JAKMIP1: variants seen among roughly 807,000 people sequenced by gnomAD.
JAKMIP1 encodes the protein janus kinase and microtubule interacting protein 1, also known as janus kinase and microtubule-interacting protein 1.
In JAKMIP1, 33 loss-of-function variants were observed where a neutral mutation model predicts 113.0. That is an observed-to-expected ratio of 0.29 (90% CI 0.22 to 0.39). The LOEUF is 0.39. Ranked by LOEUF, JAKMIP1 falls within the 10% of genes least tolerant of loss-of-function variation. The pLI is 1.00. For synonymous variants in JAKMIP1, 480 were observed against 459.9 expected (o/e 1.04, Z -0.56); for missense variants, 813 against 1,080.5 (o/e 0.75, Z 3.47).
In JAKMIP1 at chr4:6,026,866, A is replaced by ATT. The variant is rs370379960; in HGVS notation, c.2446-590_2446-589dup. Among the ~76,000 whole-genome samples the ATT allele has an allele frequency of 2.0e-3, 282 of 140,692 alleles. 2 individuals carry two copies. Among genetic ancestry groups the ATT allele is most frequent in the African/African-American group, 6.9e-3 (261 of 37,976 alleles). The allele number at this position is 140,692 out of a possible 152,430, so 92.3% of individuals were successfully genotyped here. On this transcript the variant is annotated intron_variant, in intron 20 of 20. Coordinates refer to ENST00000409021, the MANE Select transcript of JAKMIP1 (RefSeq NM_001099433.2). ...TTAAAACATTATGGAATTTCTTTGC[A>ATT]TTTTTTTTTTTTTTTTTTTTTAGCT...
In JAKMIP1 at chr4:6,064,017, C is replaced by A. The variant is rs554462166; in HGVS notation, c.1431+863G>T. ...GCCAGCTGCCCCGGCATATCCGCAC[C>A]CCCTTCCCACTCTTGCTCTTCCCTG... On this transcript the variant is annotated intron_variant, in intron 9 of 20. Coordinates refer to ENST00000409021, the MANE Select transcript of JAKMIP1 (RefSeq NM_001099433.2). This position sits in a 1 kb window ranked among gnomAD's most constrained non-coding sequence, Gnocchi z 4.3. 1.3e-5 allele frequency among the ~76,000 whole-genome samples: 2 copies of A among 152,358 alleles called. No homozygotes were observed. Among genetic ancestry groups the A allele is most frequent in the Admixed American group, 1.3e-4 (2 of 15,312 alleles).
intron 20 of JAKMIP1, 76 bp from the exon 21 acceptor site, chr4:6,026,354 G>A (rs1274720890): frequency 4.0e-6 from 3 of 754,066 alleles, no homozygotes; most frequent in African/African-American, 3.6e-5. Context: ...TATGTAGTAT[G>A]GAACTCAATG....
rs915625756 is a variant in JAKMIP1 at position 6,171,032 on chromosome 4, C to T, written c.-148+29221G>A. Among the ~76,000 whole-genome samples, 3 of 151,074 alleles carry T rather than the reference C, an allele frequency of 2.0e-5. No individual in the cohort carries two copies. In the Admixed American group the frequency reaches 2.0e-4, roughly 10 times the overall value. ...CTGCCATCACCATAATCACCACCAT[C>T]ACCACCCTCACCACCATCACCATGC... On this transcript the variant is annotated intron_variant, in intron 1 of 20. Coordinates refer to ENST00000409021, the MANE Select transcript of JAKMIP1 (RefSeq NM_001099433.2).
At chr4:6,057,346 C>T (rs1050981730) in intron 11 of JAKMIP1, among the ~76,000 whole-genome samples, 2 of 152,220 alleles carry the variant, frequency 1.3e-5, no homozygotes, top group African/African-American at 4.8e-5. Context: ...CTCCAACTCC[C>T]TCCTCCCTTC....
rs1001653917 is a variant in JAKMIP1 at position 6,067,779 on chromosome 4, C to T, written c.1303-2771G>A. ...GTCACCCCCCTGAGCTCCACGTTCA[C>T]TCAAGCTCTTCTGCACACGCAGGTC... is the stretch of plus-strand genomic sequence containing the variant. On this transcript the variant is annotated intron_variant, in intron 8 of 20. Coordinates refer to ENST00000409021, the MANE Select transcript of JAKMIP1 (RefSeq NM_001099433.2). This position sits in a 1 kb window ranked among gnomAD's most constrained non-coding sequence, Gnocchi z 4.6. Among the ~76,000 whole-genome samples, 1 of 141,458 alleles carries T rather than the reference C, an allele frequency of 7.1e-6. No homozygotes were observed. Among genetic ancestry groups the T allele is most frequent in the Non-Finnish European group, 1.5e-5 (1 of 65,782 alleles). 92.8% of individuals were successfully genotyped at this position (141,458 alleles called of 152,430 possible). A position where few individuals can be genotyped will look rare whatever the true frequency, so the allele number is the denominator to read the frequency against.
At chr4:6,121,599 G>A (rs915045640) in intron 1 of JAKMIP1, among the ~76,000 whole-genome samples, 4 of 152,206 alleles carry the variant, frequency 2.6e-5, no homozygotes, top group East Asian at 3.8e-4. Context: ...GGCTGCCCCC[G>A]GACCTAGCAG....
At chr4:6,072,916 T>C (rs1357708228) in intron 8 of JAKMIP1, among the ~76,000 whole-genome samples, 1 of 151,784 alleles carries the variant, frequency 6.6e-6, no homozygotes, top group East Asian at 1.9e-4. Context: ...CTGTCTCTAC[T>C]AAAAATACAA....
At chr4:6,074,465 TA>T (rs1278971943) in intron 8 of JAKMIP1, among the ~76,000 whole-genome samples, 2 of 152,212 alleles carry the variant, frequency 1.3e-5, no homozygotes, top group African/African-American at 4.8e-5. Context: ...GGCAAAGTGT[TA>T]AAACACTTCC....
intron 19 of JAKMIP1, among the ~76,000 whole-genome samples, 193 bp from the exon 20 acceptor site, chr4:6,029,974 A>C (rs979181632): frequency 3.3e-5 from 5 of 152,208 alleles, no homozygotes; most frequent in Non-Finnish European, 7.3e-5. Context: ...CCCAGCTCCC[A>C]GGAGGCCTTG....
chr4:6,156,151 G>A lies in JAKMIP1; in HGVS notation c.-147-43154C>T, dbSNP rs1722212480. On this transcript the variant is annotated intron_variant, in intron 1 of 20. Transcript: ENST00000409021. This position sits in a 1 kb window ranked among gnomAD's most constrained non-coding sequence, Gnocchi z 5.0. ...CCCATCTGTGTGTTTCTTGGGAGCA[G>A]AGACCGGGAACATCTTCTCACCGTA... Among the ~76,000 whole-genome samples the A allele has an allele frequency of 6.6e-6, 1 of 152,228 alleles. No homozygotes were observed. The highest frequency in any genetic ancestry group is 1.5e-5 in the Non-Finnish European group (1 of 68,052).
chr4:6,122,233 G>A (rs1345140151), intron 1 of JAKMIP1, among the ~76,000 whole-genome samples: 1 of 152,190 alleles, frequency 6.6e-6, no homozygotes, highest in Non-Finnish European at 1.5e-5. Flanking sequence ...GGCCGAGGCA[G>A]GAGATTCGCT....
Position 6,176,204 on chromosome 4 carries a change from C to T in JAKMIP1, c.-148+24049G>A, listed in dbSNP as rs148358765. The stretch of plus-strand genomic sequence containing the variant: ...TGGGGAGCCACGGAGAGGGTTACAC[C>T]TGGGTGGAAAAGGACAGATCACCCC... On this transcript the variant is annotated intron_variant, in intron 1 of 20. Coordinates refer to ENST00000409021, the MANE Select transcript of JAKMIP1 (RefSeq NM_001099433.2). The surrounding 1 kb of genome is among the most constrained non-coding windows in gnomAD (Gnocchi z 5.5). Among the ~76,000 whole-genome samples, 9 of 152,276 alleles carry T rather than the reference C, an allele frequency of 5.9e-5. No homozygotes were observed. The highest frequency in any genetic ancestry group is 2.2e-4 in the African/African-American group (9 of 41,550).
rs1322279532 is a variant in JAKMIP1 at position 6,139,178 on chromosome 4, G to A, written c.-147-26181C>T. 6.7e-6 allele frequency among the ~76,000 whole-genome samples: 1 copy of A among 149,804 alleles called. No homozygotes were observed. The highest frequency in any genetic ancestry group is 2.4e-5 in the African/African-American group (1 of 41,070). On this transcript the variant is annotated intron_variant, in intron 1 of 20. Coordinates refer to ENST00000409021, the MANE Select transcript of JAKMIP1 (RefSeq NM_001099433.2). This position sits in a 1 kb window ranked among gnomAD's most constrained non-coding sequence, Gnocchi z 5.2. ...CCACTTTCCCCCTGAATTTTAACCT[G>A]CTTTGGGAGGGTTCCCATGGGCTCC...
intron 8 of JAKMIP1, among the ~76,000 whole-genome samples, chr4:6,066,522 G>T (rs1006991353): frequency 1.3e-5 from 2 of 151,958 alleles, no homozygotes; most frequent in African/African-American, 4.8e-5. Context: ...CGTCCTTTAT[G>T]GCATTGTGGA....
intron 19 of JAKMIP1, 99 bp from the exon 20 acceptor site, chr4:6,029,880 G>T: frequency 2.4e-6 from 2 of 841,018 alleles, no homozygotes; most frequent in Non-Finnish European, 3.9e-6. Context: ...AGCTGTAAAG[G>T]ATACCAACAC....
intron 11 of JAKMIP1, among the ~76,000 whole-genome samples, chr4:6,060,046 G>A (rs1258651192): frequency 6.6e-6 from 1 of 152,088 alleles, no homozygotes; most frequent in Non-Finnish European, 1.5e-5. Context: ...AATAACCCAG[G>A]GTTAGTCATG....
chr4:6,119,672 T>C (rs903251042), intron 1 of JAKMIP1, among the ~76,000 whole-genome samples: 9 of 152,224 alleles, frequency 5.9e-5, no homozygotes, highest in African/African-American at 2.2e-4. Flanking sequence ...CTTGCCCCTC[T>C]CCACACTGTG....
chr4:6,172,510 G>A (rs1248987894), intron 1 of JAKMIP1, among the ~76,000 whole-genome samples: 1 of 151,650 alleles, frequency 6.6e-6, no homozygotes, highest in Non-Finnish European at 1.5e-5. Flanking sequence ...TCTGACCCCT[G>A]GGGAGGAGAG....
chr4:6,090,928 T>C (rs1721985655), intron 3 of JAKMIP1, among the ~76,000 whole-genome samples: 1 of 152,206 alleles, frequency 6.6e-6, no homozygotes, highest in Admixed American at 6.5e-5. Flanking sequence ...ACGTTGACCA[T>C]GACTGCCTTA....
Sources: allele counts gnomAD v4.1 joint callset (sites outside exome capture counted in the v4.1 genomes callset), GRCh38; gene constraint gnomAD v4.1.1; non-coding constraint Gnocchi (gnomAD v3.1); transcripts MANE v1.5; gene names NCBI Gene and HGNC (gene_info 2026-07-23, HGNC 2026-07-21).